The following SLC38A8 variants were observed in gnomAD, a reference collection of about 807,000 sequenced individuals.
The protein encoded by SLC38A8 is solute carrier family 38 member 8.
A neutral mutation model predicts 46.0 loss-of-function variants in SLC38A8; 65 were observed. The ratio of observed to expected loss-of-function variants is 1.41; its 90% confidence interval spans 1.16 to 1.74. The LOEUF is 1.74. Among genes scored for constraint, SLC38A8 ranks in the 40% most tolerant of loss-of-function variants. The pLI is 0.00. For synonymous variants in SLC38A8, 447 were observed against 243.7 expected (o/e 1.83, Z -7.77); for missense variants, 998 against 567.9 (o/e 1.76, Z -7.70).
intron 7 of SLC38A8, among the ~76,000 whole-genome samples, chr16:84,018,222 C>CTTTT (rs2085054437): frequency 8.0e-6 from 1 of 124,446 alleles, no homozygotes; most frequent in Non-Finnish European, 1.6e-5. Flanking sequence ...AGCCCTCATT[C>CTTTT]CTTTTTTTTT....
chr16:84,036,418 G>T (rs2085299759), intron 3 of SLC38A8, among the ~76,000 whole-genome samples: 1 of 152,240 alleles, frequency 6.6e-6, no homozygotes. Context: ...GCTGCTTGCT[G>T]TTGGCTCCAT....
rs185092751 is a variant in SLC38A8, at chr16:84,023,679, A to G, written c.691-790T>C. On this transcript the variant is annotated intron_variant, in intron 6 of 10. Transcript: ENST00000299709. ...GAGGCCGAAGGGGGCAGATCACTTG[A>G]GGTCAGGAGTTTGAGACCAGCCTGG... Among the ~76,000 whole-genome samples, 264 of 152,134 alleles carry G rather than the reference A, an allele frequency of 1.7e-3. 1 individual carries two copies. The highest frequency in any genetic ancestry group is 6.1e-3 in the African/African-American group (252 of 41,572).
intron 2 of SLC38A8, among the ~76,000 whole-genome samples, chr16:84,039,476 GGCTCATGGCT>G: frequency 6.6e-6 from 1 of 152,266 alleles, no homozygotes; most frequent in Admixed American, 6.5e-5. Flanking sequence ...CGGGTACGGT[GGCTCATGGCT>G]GTAATCCCAG....
intron 3 of SLC38A8, among the ~76,000 whole-genome samples, chr16:84,034,713 A>G (rs1463904110): frequency 2.0e-5 from 3 of 152,206 alleles, no homozygotes; most frequent in Admixed American, 6.5e-5. Context: ...TGGTCACAGC[A>G]GCATCCACGT....
At chr16:84,040,949 C>G (rs1256785805) in intron 2 of SLC38A8, 2 of 152,456 alleles carry the variant, frequency 1.3e-5, no homozygotes, top group East Asian at 1.9e-4. Flanking sequence ...ATGGGTTACA[C>G]CCGACACTAG....
chr16:84,034,634 G>GA (rs1039399701), intron 3 of SLC38A8, among the ~76,000 whole-genome samples: 60 of 152,300 alleles, frequency 3.9e-4, no homozygotes, highest in African/African-American at 1.4e-3. Flanking sequence ...GGAGCCATGT[G>GA]AAAAAATGAA....
At chr16:84,035,156 A>G (rs2085287522) in intron 3 of SLC38A8, among the ~76,000 whole-genome samples, 1 of 152,194 alleles carries the variant, frequency 6.6e-6, no homozygotes. Flanking sequence ...GCTCCCAGTG[A>G]GGCTCAGAAT....
In SLC38A8 at chr16:84,029,473, C is replaced by T. The variant is rs1211753795; in HGVS notation, c.690+21G>A. ...CAGCCTCTGCAAACGCCACAGGCTG[C>T]AACACAGATGCTAAAATTACCTGAA... On this transcript the variant is annotated intron_variant, in intron 6 of 10. Transcript: ENST00000299709. 2.5e-6 allele frequency: 4 copies of T among 1,613,542 alleles called. No individual in the cohort carries two copies. The East Asian group carries it at 8.9e-5, about 36-fold the overall frequency.
chr16:84,031,724 G>T (rs934983365), intron 5 of SLC38A8, 143 bp downstream of exon 5: 3 of 698,818 alleles, frequency 4.3e-6, no homozygotes, highest in Non-Finnish European at 7.2e-6. Context: ...TGCCTTCACC[G>T]CATCAGAGAC....
At chr16:84,016,888 T>G (rs2085033430) in intron 8 of SLC38A8, 161 bp from the exon 9 acceptor site, 1 of 1,016,030 alleles carries the variant, frequency 9.8e-7, no homozygotes, top group Non-Finnish European at 1.4e-6. Context: ...CCCTCAGGGG[T>G]TCTGCCACCA....
intron 2 of SLC38A8, among the ~76,000 whole-genome samples, chr16:84,037,806 ATT>A (rs376247461): frequency 1.3e-4 from 13 of 102,238 alleles, no homozygotes; most frequent in African/African-American, 3.6e-4. Flanking sequence ...TTCAGCTTCA[ATT>A]TTTTTTTTTT....
chr16:84,022,903 G>A lies in SLC38A8; in HGVS notation c.691-14C>T, dbSNP rs1233719254. The A allele has an allele frequency of 1.3e-6, 2 of 1,566,788 alleles. No individual in the cohort carries two copies. The highest frequency in any genetic ancestry group is 1.7e-4 in the Middle Eastern group (1 of 5,754). ...AGCTTCGTGACACTGTAAGACAGAG[G>A]GCGGCTCAGCAGGATGCTGGCTTCC... On this transcript the variant is annotated splice_polypyrimidine_tract_variant and intron_variant, in intron 6 of 10. Coordinates refer to ENST00000299709, the MANE Select transcript of SLC38A8 (RefSeq NM_001080442.3).
intron 7 of SLC38A8, among the ~76,000 whole-genome samples, chr16:84,018,860 G>C (rs1597255024): frequency 6.6e-6 from 1 of 152,146 alleles, no homozygotes; most frequent in East Asian, 1.9e-4. Flanking sequence ...GAGTCACTAG[G>C]AGATATATGG....
At chr16:84,025,088 C>T (rs1270084078) in intron 6 of SLC38A8, among the ~76,000 whole-genome samples, 5 of 152,164 alleles carry the variant, frequency 3.3e-5, no homozygotes, top group Non-Finnish European at 7.3e-5. Flanking sequence ...CACGAACAGC[C>T]AAGAGAATAC....
At chr16:84,016,882 CA>C in intron 8 of SLC38A8, 155 bp from the exon 9 acceptor site, 1 of 1,043,214 alleles carries the variant, frequency 9.6e-7, no homozygotes, top group South Asian at 1.7e-5. Context: ...TGCCAACCCT[CA>C]GGGGTTCTGC....
At chr16:84,024,865 G>A (rs1358441706) in intron 6 of SLC38A8, among the ~76,000 whole-genome samples, 3 of 152,100 alleles carry the variant, frequency 2.0e-5, no homozygotes, top group Non-Finnish European at 4.4e-5. Flanking sequence ...ATTTTTGGTA[G>A]AGACAGGGTT....
chr16:84,022,775 C>T lies in SLC38A8; in HGVS notation c.805G>A (p.Gly269Arg). 6.2e-7 allele frequency: 1 copy of T among 1,613,650 alleles called. No homozygotes were observed. Among genetic ancestry groups the T allele is most frequent in the Non-Finnish European group, 8.5e-7 (1 of 1,179,662 alleles). ...LACCLIYSLTGVYGFLTFGTE... is the reference protein window; with the variant it reads ...LACCLIYSLTRVYGFLTFGTE... ...CAGGGGTGCCTGGGAAGGGCCTTAC[C>T]CGTCAGTGAATAGATGAGGCAGCAG... Residue 269 changes from glycine to arginine, a missense_variant and splice_region_variant, in exon 7 of 11, where the codon GGG becomes AGG. Gly to Arg is a moderately radical substitution (Grantham distance 125, BLOSUM62 -2). Transcript: ENST00000299709.
At chr16:84,036,927 C>T (rs1197446093) in intron 2 of SLC38A8, 27 bp from the exon 3 acceptor site, 1 of 1,584,788 alleles carries the variant, frequency 6.3e-7, no homozygotes, top group Admixed American at 1.8e-5. Flanking sequence ...GGACCTGGAA[C>T]TGGGGTGTGC....
intron 10 of SLC38A8, among the ~76,000 whole-genome samples, chr16:84,010,680 G>T (rs1441337819): frequency 6.6e-6 from 1 of 152,148 alleles, no homozygotes; most frequent in East Asian, 1.9e-4. Flanking sequence ...GGAGGCAGAG[G>T]TCGCAGTGAG....
Sources: allele counts gnomAD v4.1 joint callset (sites outside exome capture counted in the v4.1 genomes callset), GRCh38; gene constraint gnomAD v4.1.1; transcripts MANE v1.5; gene names NCBI Gene and HGNC (gene_info 2026-07-23, HGNC 2026-07-21).